KAZN: variants seen among roughly 807,000 people sequenced by gnomAD.
The protein encoded by KAZN is kazrin, periplakin interacting protein.
In KAZN, 40 loss-of-function variants were observed where a neutral mutation model predicts 87.4. The ratio of observed to expected loss-of-function variants is 0.46; its 90% confidence interval spans 0.36 to 0.60. KAZN has a LOEUF of 0.60. Ranked by LOEUF, KAZN falls within the 20% of genes least tolerant of loss-of-function variation. The pLI, the probability that KAZN is intolerant of heterozygous loss-of-function variation, is 0.00. For missense variants in KAZN, 898 were observed against 1,073.9 expected (o/e 0.84, Z 2.29); for synonymous variants, 466 against 458.3 (o/e 1.02, Z -0.22).
intron 1 of KAZN, among the ~76,000 whole-genome samples, chr1:14,660,541 C>CTTTTTT (rs1156503750): frequency 4.1e-4 from 31 of 76,040 alleles, no homozygotes; most frequent in East Asian, 9.1e-4. Flanking sequence ...CTCTCTCTCT[C>CTTTTTT]TTTTTTTTTT....
rs1409927451 is a variant in KAZN, at chr1:15,114,616, T to C, written c.2309T>C (p.Leu770Pro). 1.9e-6 allele frequency: 3 copies of C among 1,590,554 alleles called. No homozygotes were observed. The highest frequency in any genetic ancestry group is 2.3e-5 in the South Asian group (2 of 87,238). The stretch of plus-strand genomic sequence containing the variant: ...TGCCGTCTGGAAGGCTACAACAGCC[T>C]GGAGGTCACCAACGTGTAAGGAACT... ...EQCRLEGYNS[L>P]EVTNV is the part of the protein sequence containing the mutation. Residue 770 changes from leucine (L) to proline (P), a missense_variant, in exon 15 of 15, where the codon CTG becomes CCG. Leu to Pro is a moderately conservative substitution (Grantham distance 98, BLOSUM62 -3). This residue lies in a region of KAZN where 127 missense variants were observed against 121.5 expected (regional missense o/e 1.04). Transcript: ENST00000376030.
chr1:14,850,176 C>T (rs141717567), intron 1 of KAZN, among the ~76,000 whole-genome samples: 1,782 of 152,196 alleles, frequency 0.012, 34 homozygotes, highest in African/African-American at 0.041. Context: ...CCTCGTGATC[C>T]GCCTGCCTCA....
At chr1:14,636,247 T>G (rs1408611017) in intron 1 of KAZN, among the ~76,000 whole-genome samples, 1 of 152,048 alleles carries the variant, frequency 6.6e-6, no homozygotes, top group Non-Finnish European at 1.5e-5. Flanking sequence ...AGTGAGGGGG[T>G]GGGGCTAGAT....
rs1650068595 is a variant in KAZN, at chr1:14,856,100, T to G, written c.227-104584T>G. 6.6e-6 allele frequency among the ~76,000 whole-genome samples: 1 copy of G among 152,134 alleles called. No homozygotes were observed. Among genetic ancestry groups the G allele is most frequent in the South Asian group, 2.1e-4 (1 of 4,830 alleles). On this transcript the variant is annotated intron_variant, in intron 1 of 14. Coordinates refer to ENST00000376030, the MANE Select transcript of KAZN (RefSeq NM_201628.3). The surrounding 1 kb of genome is among the most constrained non-coding windows in gnomAD (Gnocchi z 5.2). ...GATTTACATCCTTGGGGGTTTGGGT[T>G]TAAGTTACGTAGTAGTTATTGCAAG...
At chr1:14,402,072 A>G (rs1383727851) in intron 2 of KAZN, among the ~76,000 whole-genome samples, 2 of 124,298 alleles carry the variant, frequency 1.6e-5, no homozygotes, top group East Asian at 2.3e-4. Context: ...GTATTTTCAA[A>G]AGTTATGAGT....
intron 2 of KAZN, among the ~76,000 whole-genome samples, chr1:14,197,521 C>G (rs576386816): frequency 6.6e-6 from 1 of 151,994 alleles, no homozygotes; most frequent in African/African-American, 2.4e-5. Flanking sequence ...AACCCTGTCT[C>G]TACTAAAAAT....
At chr1:14,161,189 T>G (rs1384627354) in intron 1 of KAZN, among the ~76,000 whole-genome samples, 1 of 152,230 alleles carries the variant, frequency 6.6e-6, no homozygotes, top group African/African-American at 2.4e-5. Flanking sequence ...ATCTTCACCA[T>G]ATTAGCTATC....
At chr1:15,083,527 T>C (rs1379380789) in intron 8 of KAZN, among the ~76,000 whole-genome samples, 3 of 152,210 alleles carry the variant, frequency 2.0e-5, no homozygotes, top group African/African-American at 7.2e-5. Context: ...AGAATGAATA[T>C]GCAGGCACTG....
chr1:14,970,367 C>T (rs1328736035), intron 2 of KAZN, among the ~76,000 whole-genome samples: 1 of 152,196 alleles, frequency 6.6e-6, no homozygotes, highest in African/African-American at 2.4e-5. Context: ...GGCCAGGCTC[C>T]TTGGCAACCC....
rs899773853 is a variant in KAZN at position 14,460,040 on chromosome 1, C to T, written c.250-138943C>T. On this transcript the variant is annotated intron_variant, in intron 2 of 16. Coordinates refer to the KAZN transcript ENST00000636203. ...TCAGTATTCCCTTACCCACCAGCTC[C>T]AATCAATTAATAGAAGCTTATCTCC... is the stretch of plus-strand genomic sequence containing the variant. Among the ~76,000 whole-genome samples, 8 of 152,168 alleles carry T rather than the reference C, an allele frequency of 5.3e-5. No homozygotes were observed. The East Asian group carries it at 1.3e-3, about 26-fold the overall frequency.
Position 14,632,704 on chromosome 1 carries a change from G to A in KAZN, c.226+33481G>A, listed in dbSNP as rs561389237. Among the ~76,000 whole-genome samples, 12 of 151,832 alleles carry A rather than the reference G, an allele frequency of 7.9e-5. No individual in the cohort carries two copies. The East Asian group carries it at 2.1e-3, about 27-fold the overall frequency. ...AGCTAGGACTAACAAAGGAAACTGA[G>A]ACCGCAAGTGTAAACCTGGCAGAAA... On this transcript the variant is annotated intron_variant, in intron 1 of 14. Coordinates refer to ENST00000376030, the MANE Select transcript of KAZN (RefSeq NM_201628.3).
chr1:15,000,310 C>T (rs1258182439), intron 2 of KAZN, among the ~76,000 whole-genome samples: 2 of 151,656 alleles, frequency 1.3e-5, no homozygotes, highest in African/African-American at 4.9e-5. Context: ...GAGCCTGGCC[C>T]TGCCAACACC....
At chr1:15,042,150 C>T (rs1317644901) in intron 3 of KAZN, among the ~76,000 whole-genome samples, 1 of 152,192 alleles carries the variant, frequency 6.6e-6, no homozygotes, top group Non-Finnish European at 1.5e-5. Flanking sequence ...GAACCAGTGA[C>T]TGCGATGAGA....
chr1:14,941,939 G>T (rs532440809), intron 1 of KAZN, among the ~76,000 whole-genome samples: 2 of 152,136 alleles, frequency 1.3e-5, no homozygotes, highest in Non-Finnish European at 2.9e-5. Context: ...GCTATGGGCC[G>T]TCTACCGCTG....
At chr1:14,889,550 G>T (rs1654478142) in intron 1 of KAZN, among the ~76,000 whole-genome samples, 1 of 152,160 alleles carries the variant, frequency 6.6e-6, no homozygotes, top group Admixed American at 6.5e-5. Flanking sequence ...AGTGTACTTA[G>T]CACTCACTGT....
At chr1:14,738,225 T>C (rs1345352764) in intron 1 of KAZN, among the ~76,000 whole-genome samples, 1 of 152,138 alleles carries the variant, frequency 6.6e-6, no homozygotes, top group East Asian at 1.9e-4. Context: ...AAGACTGTGA[T>C]GGGATGGGAG....
At chr1:14,208,967 A>C (rs1251431070) in intron 2 of KAZN, among the ~76,000 whole-genome samples, 1 of 152,224 alleles carries the variant, frequency 6.6e-6, no homozygotes, top group East Asian at 1.9e-4. Flanking sequence ...AACTATGATG[A>C]GAATTGAACA....
At chr1:14,479,506 A>G (rs1377965798) in intron 2 of KAZN, among the ~76,000 whole-genome samples, 6 of 152,092 alleles carry the variant, frequency 3.9e-5, no homozygotes, top group African/African-American at 1.4e-4. Flanking sequence ...TCTCTGCATC[A>G]TTCATTTTCT....
chr1:14,939,826 C>A (rs913069918), intron 1 of KAZN, among the ~76,000 whole-genome samples: 2 of 152,156 alleles, frequency 1.3e-5, no homozygotes, highest in Admixed American at 6.6e-5. Context: ...GACAGAGAGA[C>A]CCTGAGCTCC....
Sources: gnomAD v4.1 joint callset for allele counts (sites outside exome capture counted in the v4.1 genomes callset) on GRCh38, gnomAD v4.1.1 for gene constraint, gnomAD v4.1.1 regional missense constraint, Gnocchi (gnomAD v3.1) non-coding constraint, MANE v1.5 for transcripts, NCBI Gene and HGNC (gene_info 2026-07-23, HGNC 2026-07-21) for gene names.